Variants in NDST3 observed in about 807,000 individuals in gnomAD.
The protein encoded by NDST3 is bifunctional heparan sulfate N-deacetylase/N-sulfotransferase 3.
Under a neutral mutation model 96.1 loss-of-function variants are expected in NDST3, and 58 were observed. The ratio of observed to expected loss-of-function variants is 0.60; its 90% confidence interval spans 0.49 to 0.75. NDST3 has a LOEUF of 0.75. Ranked by LOEUF, NDST3 falls within the 30% of genes least tolerant of loss-of-function variation. NDST3 has a pLI of 0.00. For missense variants in NDST3, 788 were observed against 1,034.2 expected, an observed-to-expected ratio of 0.76 and a Z score of 3.27; for synonymous variants, 333 against 359.7, an observed-to-expected ratio of 0.93 and a Z score of 0.84.
intron 3 of NDST3, among the ~76,000 whole-genome samples, chr4:118,113,422 T>C (rs1730806699): frequency 6.6e-6 from 1 of 152,206 alleles, no homozygotes; most frequent in Non-Finnish European, 1.5e-5. Context: ...AACTGAAGAC[T>C]GCCCTTGTTG....
intron 12 of NDST3, among the ~76,000 whole-genome samples, chr4:118,249,981 T>A (rs1241846802): frequency 6.6e-6 from 1 of 152,222 alleles, no homozygotes; most frequent in East Asian, 1.9e-4. Flanking sequence ...CAAGCTACTT[T>A]CTTTCACTTA....
chr4:118,136,106 C>T (rs1241683436), intron 4 of NDST3, among the ~76,000 whole-genome samples: 7 of 152,158 alleles, frequency 4.6e-5, no homozygotes, highest in South Asian at 4.1e-4. Context: ...TAATTTCTTA[C>T]AAATTTGCAG....
chr4:118,166,377 C>G (rs1735552799), intron 6 of NDST3, among the ~76,000 whole-genome samples: 1 of 151,854 alleles, frequency 6.6e-6, no homozygotes. Context: ...TCTGAGCAGG[C>G]TTGTAACTAG....
At chr4:118,171,316 G>C (rs1435113522) in intron 6 of NDST3, among the ~76,000 whole-genome samples, 1 of 152,050 alleles carries the variant, frequency 6.6e-6, no homozygotes, top group African/African-American at 2.4e-5. Context: ...TTTTAAAAAG[G>C]TCCCAGTTAC....
At chr4:118,171,251 C>T (rs1735928424) in intron 6 of NDST3, among the ~76,000 whole-genome samples, 1 of 152,132 alleles carries the variant, frequency 6.6e-6, no homozygotes, top group African/African-American at 2.4e-5. Context: ...TTCTCACTAC[C>T]CCCAAAAAGG....
chr4:118,081,422 G>A (rs1019225219), intron 2 of NDST3, among the ~76,000 whole-genome samples: 2 of 151,964 alleles, frequency 1.3e-5, no homozygotes, highest in Non-Finnish European at 2.9e-5. Context: ...GTGTGTGTGT[G>A]TGCGAGAGAG....
chr4:118,067,738 G>A (rs1726709696), intron 2 of NDST3, among the ~76,000 whole-genome samples: 1 of 152,010 alleles, frequency 6.6e-6, no homozygotes, highest in African/African-American at 2.4e-5. Flanking sequence ...CTTAGAAATT[G>A]ACACAATGTC....
chr4:118,100,675 G>C (rs1016133114), intron 2 of NDST3, among the ~76,000 whole-genome samples: 1 of 152,084 alleles, frequency 6.6e-6, no homozygotes, highest in African/African-American at 2.4e-5. Context: ...GGTTCATGTT[G>C]TATTCTTGTT....
intron 6 of NDST3, among the ~76,000 whole-genome samples, chr4:118,169,208 T>C (rs1233621240): frequency 1.3e-5 from 2 of 152,098 alleles, no homozygotes; most frequent in African/African-American, 4.8e-5. Flanking sequence ...ATCAGACAAA[T>C]GCAAACACTG....
chr4:118,241,741 A>G (rs1162789930), intron 11 of NDST3, among the ~76,000 whole-genome samples: 2 of 152,088 alleles, frequency 1.3e-5, no homozygotes, highest in African/African-American at 4.8e-5. Context: ...GTCTGTTTTG[A>G]AAGTTGGTTT....
At chr4:118,111,015 G>A (rs933842147) in intron 3 of NDST3, among the ~76,000 whole-genome samples, 1 of 152,194 alleles carries the variant, frequency 6.6e-6, no homozygotes, top group Non-Finnish European at 1.5e-5. Context: ...GTCCTTTGCA[G>A]CAACATGGAT....
At chr4:118,033,679 C>G (rs1723996522), upstream of NDST3, 1 of 151,786 alleles carries the variant, frequency 6.6e-6, no homozygotes, top group African/African-American at 2.4e-5. Context: ...GCGCAGGAGT[C>G]CCCGGCGCAC....
At chr4:118,243,488 A>C (rs1578865502) in intron 12 of NDST3, among the ~76,000 whole-genome samples, 1 of 152,248 alleles carries the variant, frequency 6.6e-6, no homozygotes, top group South Asian at 2.1e-4. Context: ...GTACTGTCAG[A>C]GTTTTGTATA....
At chr4:118,036,228 T>C (rs888968713) in intron 1 of NDST3, among the ~76,000 whole-genome samples, 2 of 152,176 alleles carry the variant, frequency 1.3e-5, no homozygotes, top group Admixed American at 1.3e-4. Context: ...TCTGATTATA[T>C]GACTTCCTTG....
intron 6 of NDST3, among the ~76,000 whole-genome samples, chr4:118,210,491 T>C (rs1278917372): frequency 3.3e-5 from 5 of 152,148 alleles, no homozygotes; most frequent in Admixed American, 2.0e-4. Context: ...AAAGGGACCC[T>C]GCTGGGCCGG....
intron 6 of NDST3, among the ~76,000 whole-genome samples, chr4:118,162,464 A>G (rs1341289799): frequency 6.6e-6 from 1 of 151,928 alleles, no homozygotes. Flanking sequence ...CAACTATCTG[A>G]TCTTTGAAAA....
In NDST3 at chr4:118,084,307, T is replaced by C. The variant is rs577559572; in HGVS notation, c.982-20711T>C. Reference sequence around the variant, plus strand: ...TAGTAATCATTTTACTATCTATATGTATCCCATAACATCATTTTGTTTATC... The same window carrying C: ...TAGTAATCATTTTACTATCTATATGCATCCCATAACATCATTTTGTTTATC... On this transcript the variant is annotated intron_variant, in intron 2 of 13. Transcript: ENST00000296499. Among the ~76,000 whole-genome samples, 14 of 152,322 alleles carry C rather than the reference T, an allele frequency of 9.2e-5. No homozygotes were observed. In the South Asian group the frequency reaches 2.9e-3, roughly 32 times the overall value.
At chr4:118,231,106 TGGGCGGATCA>T (rs1476261624) in intron 8 of NDST3, among the ~76,000 whole-genome samples, 1 of 151,792 alleles carries the variant, frequency 6.6e-6, no homozygotes, top group East Asian at 1.9e-4. Flanking sequence ...GAGGCTGAGG[TGGGCGGATCA>T]CCTGAGGTCA....
chr4:118,070,415 T>C (rs1224322389), intron 2 of NDST3, among the ~76,000 whole-genome samples: 1 of 152,136 alleles, frequency 6.6e-6, no homozygotes, highest in Admixed American at 6.6e-5. Context: ...CCCTGACTTC[T>C]GGTGAGGCAG....
Sources: allele counts gnomAD v4.1 joint callset (sites outside exome capture counted in the v4.1 genomes callset), GRCh38; gene constraint gnomAD v4.1.1; transcripts MANE v1.5; gene names NCBI Gene and HGNC (gene_info 2026-07-23, HGNC 2026-07-21).